The following CHD5 variants were observed in gnomAD, a reference collection of about 807,000 sequenced individuals.
CHD5 encodes the protein chromodomain helicase DNA binding protein 5.
CHD5 carries 69 observed loss-of-function variants against 230.3 expected under a neutral mutation model. The ratio of observed to expected loss-of-function variants is 0.30; its 90% CI spans 0.25 to 0.37. CHD5 has a LOEUF of 0.37. Ranked by LOEUF, CHD5 falls within the 10% of genes least tolerant of loss-of-function variation. The pLI is 1.00. For missense variants in CHD5, 1,827 were observed against 2,622.8 expected, an observed-to-expected ratio of 0.70 and a Z score of 6.63; for synonymous variants, 1,064 against 1,065.9, an observed-to-expected ratio of 1.00 and a Z score of 0.03.
chr1:6,159,644 C>A lies in CHD5; in HGVS notation c.208-129G>T, dbSNP rs1222128551. ...ATCGACCGATCCCCATCACTCCACT[C>A]ATCATCAGAGGCCACTGCTCACAGC... On this transcript the variant is annotated intron_variant, in intron 2 of 41. Transcript: ENST00000262450. The A allele has an allele frequency of 4.1e-6, 3 of 732,610 alleles. No homozygotes were observed. In the East Asian group the frequency reaches 8.1e-5, roughly 20 times the overall value. 45.4% of individuals were successfully genotyped at this position (732,610 alleles called of 1,614,324 possible).
At position 6,106,796 on chromosome 1, in the gene CHD5, A is replaced by G; in HGVS notation, c.5579-17T>C. On this transcript the variant is annotated splice_polypyrimidine_tract_variant and intron_variant, in intron 38 of 41. Coordinates refer to ENST00000262450, the MANE Select transcript of CHD5 (RefSeq NM_015557.3). The stretch of plus-strand genomic sequence containing the variant: ...GGTTCAGGACTGTGGTGGGAGGCGG[A>G]GGGATGGTAGGATGCAGGGATGGAG... The G allele has an allele frequency of 1.5e-6, 2 of 1,325,418 alleles. No individual in the cohort carries two copies. The highest frequency in any genetic ancestry group is 2.0e-6 in the Non-Finnish European group (2 of 1,006,228). 82.1% of individuals were successfully genotyped at this position (1,325,418 alleles called of 1,614,324 possible).
intron 1 of CHD5, among the ~76,000 whole-genome samples, chr1:6,178,223 C>T (rs1230374449): frequency 6.6e-6 from 1 of 152,134 alleles, no homozygotes; most frequent in East Asian, 1.9e-4. Context: ...GGCAGGATGA[C>T]CAGAGCCCCG....
Position 6,134,370 on chromosome 1 carries a change from G to A in CHD5, c.3013-111C>T. 1.5e-6 allele frequency: 2 copies of A among 1,305,322 alleles called. No individual in the cohort carries two copies. Among genetic ancestry groups the A allele is most frequent in the South Asian group, 1.3e-5 (1 of 76,010 alleles). 80.9% of individuals were successfully genotyped at this position (1,305,322 alleles called of 1,614,324 possible). A position where few individuals can be genotyped will look rare whatever the true frequency, so the allele number is the denominator to read the frequency against. On this transcript the variant is annotated intron_variant, in intron 19 of 41. Coordinates refer to ENST00000262450, the MANE Select transcript of CHD5 (RefSeq NM_015557.3). The surrounding 1 kb of genome is among the most constrained non-coding windows in gnomAD (Gnocchi z 6.3). ...GTGCTGAGCAATGGGGTGATGGCCT[G>A]TCTGCCCACTGAACATGAGACCCAC... is the stretch of plus-strand genomic sequence containing the variant.
chr1:6,127,787 G>A (rs1305304998), intron 25 of CHD5, among the ~76,000 whole-genome samples: 1 of 152,230 alleles, frequency 6.6e-6, no homozygotes, highest in African/African-American at 2.4e-5. Context: ...CCTCACTGTT[G>A]TGTCTCTAGT....
chr1:6,142,565 G>C lies in CHD5; in HGVS notation c.2084C>G (p.Ser695Cys). ...KFDKQPWYID[S>C]TGGTLHPYQL... ...GTACGGGTGCAGTGTGCCGCCTGTG[G>C]AGTCGATGTACCATGGCTGCTTGTC... The change falls in exon 14 of 42, where the codon TCC (serine) becomes TGC (cysteine). Residue 695 changes from serine to cysteine, a missense_variant. Physicochemically the swap from Ser to Cys is moderately radical, Grantham distance 112. This residue lies in a region of CHD5 where 37 missense variants were observed against 105.7 expected (regional missense o/e 0.35). Transcript: ENST00000262450. The surrounding 1 kb of genome is among the most constrained non-coding windows in gnomAD (Gnocchi z 5.2). The C allele has an allele frequency of 6.2e-7, 1 of 1,613,942 alleles. No homozygotes were observed. Among genetic ancestry groups the C allele is most frequent in the South Asian group, 1.1e-5 (1 of 91,080 alleles).
chr1:6,121,601 C>A lies in CHD5; in HGVS notation c.4700-28G>T, dbSNP rs770080174. On this transcript the variant is annotated intron_variant, in intron 31 of 41. Coordinates refer to ENST00000262450, the MANE Select transcript of CHD5 (RefSeq NM_015557.3). The surrounding 1 kb of genome is among the most constrained non-coding windows in gnomAD (Gnocchi z 4.5). ...GAAAGATCAAGGGAAAGAGCTGAGA[C>A]AGGTGGGCTCAGACGGGAAGGAGTA... The A allele has an allele frequency of 6.4e-7, 1 of 1,568,030 alleles. No individual in the cohort carries two copies. The highest frequency in any genetic ancestry group is 8.8e-7 in the Non-Finnish European group (1 of 1,142,710).
chr1:6,175,753 G>T (rs1667416972), intron 1 of CHD5, among the ~76,000 whole-genome samples: 1 of 151,456 alleles, frequency 6.6e-6, no homozygotes, highest in South Asian at 2.1e-4. Flanking sequence ...TAGGTGGATG[G>T]TGAATGGTTA....
In CHD5 at chr1:6,141,486, A is replaced by C. The variant is rs185921487; in HGVS notation, c.2436+642T>G. On this transcript the variant is annotated intron_variant, in intron 15 of 41. Transcript: ENST00000262450. ...CAAAATTAGCCGGCCATGATGGCGC[A>C]CTCCTGGAGTCCCAGCTACTCACGA... Among the ~76,000 whole-genome samples, 163 of 147,130 alleles carry C rather than the reference A, an allele frequency of 1.1e-3. 1 individual carries two copies. The highest frequency in any genetic ancestry group is 4.5e-4 in the Non-Finnish European group (30 of 67,184).
At chr1:6,178,978 G>A (rs1667466770) in intron 1 of CHD5, among the ~76,000 whole-genome samples, 1 of 152,166 alleles carries the variant, frequency 6.6e-6, no homozygotes, top group Non-Finnish European at 1.5e-5. Context: ...CAGGGAAGCC[G>A]AGAAGTAAGA....
Position 6,124,673 on chromosome 1 carries a change from G to GT in CHD5, c.4395-13_4395-12insA, listed in dbSNP as rs965490788. ...GGGACACATAGGCTCTGGGGTGGGGGGGGGGGACTGGGGCTCAGGGAGTGG... is the reference window on the plus strand; with the variant it reads ...GGGACACATAGGCTCTGGGGTGGGGGTGGGGGGACTGGGGCTCAGGGAGTGG... On this transcript the variant is annotated splice_polypyrimidine_tract_variant and intron_variant, in intron 29 of 41. Transcript: ENST00000262450. 3.7e-6 allele frequency: 4 copies of GT among 1,089,402 alleles called. No homozygotes were observed. The highest frequency in any genetic ancestry group is 2.7e-5 in the East Asian group (1 of 37,104). 67.5% of individuals were successfully genotyped at this position (1,089,402 alleles called of 1,614,324 possible).
chr1:6,148,781 GCCTTC>G, intron 9 of CHD5, 68 bp downstream of exon 9: 1 of 1,308,928 alleles, frequency 7.6e-7, no homozygotes, highest in Non-Finnish European at 1.0e-6. Flanking sequence ...AGGAGGGCAG[GCCTTC>G]CCCTGGGGGC....
intron 1 of CHD5, among the ~76,000 whole-genome samples, chr1:6,176,813 C>A (rs886091835): frequency 2.6e-5 from 4 of 152,210 alleles, no homozygotes; most frequent in Admixed American, 6.5e-5. Context: ...TGTCCAAGAC[C>A]ACTCAGCTAA....
chr1:6,134,093 T>A lies in CHD5; in HGVS notation c.3144+35A>T. Reference sequence around the variant, plus strand: ...AGGGCAGGATGCTCTCTGTGGGGTGTGGAGCCGGGGCGGGGGTGGGCAGGG... The same window carrying A: ...AGGGCAGGATGCTCTCTGTGGGGTGAGGAGCCGGGGCGGGGGTGGGCAGGG... On this transcript the variant is annotated intron_variant, in intron 20 of 41. Coordinates refer to ENST00000262450, the MANE Select transcript of CHD5 (RefSeq NM_015557.3). The surrounding 1 kb of genome is among the most constrained non-coding windows in gnomAD (Gnocchi z 6.3). 1 of 1,419,136 alleles carries A rather than the reference T, an allele frequency of 7.0e-7. No homozygotes were observed. The allele number at this position is 1,419,136 out of a possible 1,614,324, so 87.9% of individuals were successfully genotyped here. A position where few individuals can be genotyped will look rare whatever the true frequency, so the allele number is the denominator to read the frequency against.
chr1:6,143,771 G>A, intron 13 of CHD5, 52 bp downstream of exon 13: 1 of 1,507,898 alleles, frequency 6.6e-7, no homozygotes, highest in South Asian at 1.1e-5. Flanking sequence ...CAAGTCTGAG[G>A]TGGGCAGGCC....
rs1666595481 is a variant in CHD5, at chr1:6,128,258, C to T, written c.3731-40G>A. 1.9e-6 allele frequency: 3 copies of T among 1,594,382 alleles called. No individual in the cohort carries two copies. The highest frequency in any genetic ancestry group is 4.5e-5 in the East Asian group (2 of 44,656). On this transcript the variant is annotated intron_variant, in intron 24 of 41. Coordinates refer to ENST00000262450, the MANE Select transcript of CHD5 (RefSeq NM_015557.3). The surrounding 1 kb of genome is among the most constrained non-coding windows in gnomAD (Gnocchi z 7.8). ...AATGCAGTGTGAGGACAAAGACTGC[C>T]CTGGTCCAGCCCCGGGGTCCCAGGA...
At chr1:6,170,633 G>C (rs551117127) in intron 1 of CHD5, among the ~76,000 whole-genome samples, 8 of 152,316 alleles carry the variant, frequency 5.3e-5, no homozygotes, top group African/African-American at 1.7e-4. Flanking sequence ...GAGGGCTAGG[G>C]CACACAGGGG....
intron 15 of CHD5, among the ~76,000 whole-genome samples, chr1:6,137,799 T>C (rs1412454359): frequency 6.6e-6 from 1 of 152,260 alleles, no homozygotes; most frequent in East Asian, 1.9e-4. Flanking sequence ...TTGTTGTTTA[T>C]TGTTGAATTT....
chr1:6,161,204 G>C (rs1238292533), intron 2 of CHD5, among the ~76,000 whole-genome samples: 1 of 152,088 alleles, frequency 6.6e-6, no homozygotes, highest in East Asian at 1.9e-4. Context: ...TCCCTGGATA[G>C]TCTTGGGAGG....
intron 2 of CHD5, among the ~76,000 whole-genome samples, chr1:6,162,842 G>A (rs536988861): frequency 1.2e-4 from 19 of 152,202 alleles, no homozygotes; most frequent in Non-Finnish European, 1.9e-4. Context: ...GAGGGAGCAG[G>A]ACCTGGACAA....
Sources: gnomAD v4.1 joint callset for allele counts (sites outside exome capture counted in the v4.1 genomes callset) on GRCh38, gnomAD v4.1.1 for gene constraint, gnomAD v4.1.1 regional missense constraint, Gnocchi (gnomAD v3.1) non-coding constraint, MANE v1.5 for transcripts, NCBI Gene and HGNC (gene_info 2026-07-23, HGNC 2026-07-21) for gene names.